The following MYLK variants were observed in gnomAD, a reference collection of about 807,000 sequenced individuals.
MYLK encodes myosin light chain kinase.
A neutral mutation model predicts 203.4 loss-of-function variants in MYLK; 106 were observed. The observed-to-expected ratio is 0.52, with a 90% CI of 0.45 to 0.61. MYLK has a LOEUF of 0.61. MYLK is among the 20% of genes least tolerant of loss of function. MYLK has a pLI of 0.00. For missense variants in MYLK, 2,072 were observed against 2,442.3 expected, an observed-to-expected ratio of 0.85 and a Z score of 3.20; for synonymous variants, 867 against 959.5, an observed-to-expected ratio of 0.90 and a Z score of 1.78.
intron 3 of MYLK, among the ~76,000 whole-genome samples, chr3:123,825,118 C>T (rs151263928): frequency 6.7e-4 from 100 of 148,628 alleles, no homozygotes; most frequent in African/African-American, 2.4e-3. Flanking sequence ...GCACTCCAAC[C>T]TGGGCAACAG....
chr3:123,721,674 GAGGC>G (rs1221829253), intron 13 of MYLK, among the ~76,000 whole-genome samples: 6 of 151,792 alleles, frequency 4.0e-5, no homozygotes, highest in African/African-American at 1.5e-4. Context: ...GGGTCACTGG[GAGGC>G]CACTGACTGT....
chr3:123,873,138 T>C (rs2032913230), intron 2 of MYLK, among the ~76,000 whole-genome samples: 1 of 152,180 alleles, frequency 6.6e-6, no homozygotes, highest in Non-Finnish European at 1.5e-5. Context: ...ATATTTATTA[T>C]TTTTCTCACA....
chr3:123,688,187 C>G lies in MYLK; in HGVS notation c.3565+4548G>C, dbSNP rs146901349. Among the ~76,000 whole-genome samples the G allele has an allele frequency of 2.9e-4, 44 of 152,166 alleles. No individual in the cohort carries two copies. The East Asian group carries it at 7.9e-3, about 27-fold the overall frequency. On this transcript the variant is annotated intron_variant, in intron 19 of 33. Coordinates refer to ENST00000360304, the MANE Select transcript of MYLK (RefSeq NM_053025.4). ...TCAACCCCAGGGCAGTGAATGGCCT[C>G]TGTGTGTGGATGGCTCCCTGTATCC...
chr3:123,820,794 G>C (rs1402240664), intron 3 of MYLK, among the ~76,000 whole-genome samples: 1 of 152,088 alleles, frequency 6.6e-6, no homozygotes, highest in South Asian at 2.1e-4. Flanking sequence ...TGCAATCTCG[G>C]CTCACTGCAA....
intron 1 of MYLK, among the ~76,000 whole-genome samples, chr3:123,882,528 A>G (rs2033607112): frequency 6.6e-6 from 1 of 152,266 alleles, no homozygotes; most frequent in Non-Finnish European, 1.5e-5. Flanking sequence ...GAGATAAACC[A>G]GCATAAATGC....
chr3:123,727,221 C>G (rs147713546), intron 11 of MYLK, among the ~76,000 whole-genome samples: 1 of 152,130 alleles, frequency 6.6e-6, no homozygotes, highest in Admixed American at 6.5e-5. Flanking sequence ...GGGAGGGCAG[C>G]GACAAGACAG....
intron 2 of MYLK, among the ~76,000 whole-genome samples, chr3:123,834,192 C>T (rs1329679246): frequency 6.6e-6 from 1 of 152,080 alleles, no homozygotes; most frequent in Non-Finnish European, 1.5e-5. Context: ...ACTACAGGTG[C>T]ACGCCACCAT....
intron 19 of MYLK, among the ~76,000 whole-genome samples, chr3:123,685,330 C>A (rs543264243): frequency 6.6e-6 from 1 of 152,206 alleles, no homozygotes; most frequent in Admixed American, 6.5e-5. Flanking sequence ...TGGTGGCTCA[C>A]GCCTGTAATC....
chr3:123,833,088 C>T (rs1484232176), intron 2 of MYLK, among the ~76,000 whole-genome samples: 1 of 152,094 alleles, frequency 6.6e-6, no homozygotes, highest in Non-Finnish European at 1.5e-5. Flanking sequence ...CCATTACAGT[C>T]CCACAGCCAG....
intron 20 of MYLK, chr3:123,681,483 T>C: frequency 6.5e-6 from 1 of 152,898 alleles, no homozygotes. Flanking sequence ...AAGGAGGTAG[T>C]GGAGGAGCCA....
chr3:123,666,169 G>T (rs1425512175), intron 22 of MYLK, 50 bp downstream of exon 22: 4 of 1,613,930 alleles, frequency 2.5e-6, no homozygotes, highest in African/African-American at 1.3e-5. Context: ...TCCAAAGGCT[G>T]TACGGATTAT....
intron 19 of MYLK, 23 bp from the exon 20 acceptor site, chr3:123,682,333 A>G (rs1362280054): frequency 1.3e-6 from 2 of 1,549,672 alleles, no homozygotes; most frequent in Non-Finnish European, 1.8e-6. Flanking sequence ...AGGTAACAAT[A>G]AATGTTAGCA....
intron 33 of MYLK, among the ~76,000 whole-genome samples, chr3:123,616,051 G>C (rs9851912): frequency 6.6e-5 from 10 of 152,280 alleles, no homozygotes; most frequent in African/African-American, 2.4e-4. Context: ...TGATGAAAAT[G>C]TTCTAAAATT....
chr3:123,865,090 G>T (rs553540707), intron 2 of MYLK, among the ~76,000 whole-genome samples: 1 of 152,156 alleles, frequency 6.6e-6, no homozygotes, highest in South Asian at 2.1e-4. Flanking sequence ...ACTCCAATCT[G>T]GTTTGAATGT....
At chr3:123,679,854 G>A (rs2060200984) in intron 20 of MYLK, among the ~76,000 whole-genome samples, 1 of 152,182 alleles carries the variant, frequency 6.6e-6, no homozygotes, top group Admixed American at 6.5e-5. Context: ...GGATGTTGAT[G>A]TGAGGGTCCC....
At chr3:123,757,168 G>C (rs2063382617) in intron 4 of MYLK, among the ~76,000 whole-genome samples, 1 of 152,210 alleles carries the variant, frequency 6.6e-6, no homozygotes, top group Non-Finnish European at 1.5e-5. Flanking sequence ...ACATCTGTTA[G>C]AGCACTAAAC....
chr3:123,738,767 A>G, intron 7 of MYLK, 130 bp downstream of exon 7: 1 of 1,268,936 alleles, frequency 7.9e-7, no homozygotes. Flanking sequence ...AGGCCTCCCC[A>G]GCCATGTGGA....
intron 4 of MYLK, among the ~76,000 whole-genome samples, chr3:123,774,223 A>G (rs556281899): frequency 2.4e-4 from 36 of 152,292 alleles, no homozygotes; most frequent in Non-Finnish European, 3.5e-4. Context: ...TAACTCATAA[A>G]CTGCATACAA....
rs147536190 is a variant in MYLK, at chr3:123,654,785, T to C, written c.4288+2341A>G. ...AGGCTGGAGTTCAGTGGTGCAATCT[T>C]GGCTCACTACAACCTCTGCCTCCTG... On this transcript the variant is annotated intron_variant, in intron 24 of 33. Coordinates refer to ENST00000360304, the MANE Select transcript of MYLK (RefSeq NM_053025.4). Among the ~76,000 whole-genome samples, 919 of 151,172 alleles carry C rather than the reference T, an allele frequency of 6.1e-3. 13 individuals are homozygous for C. The highest frequency in any genetic ancestry group is 0.02 in the African/African-American group (834 of 41,060).
Sources: gnomAD v4.1 joint callset for allele counts (sites outside exome capture counted in the v4.1 genomes callset) on GRCh38, gnomAD v4.1.1 for gene constraint, MANE v1.5 for transcripts, NCBI Gene and HGNC (gene_info 2026-07-23, HGNC 2026-07-21) for gene names.